Variants in UMAD1 observed in about 807,000 individuals in gnomAD.
UMAD1 encodes the protein UBAP1-MVB12-associated (UMA)-domain containing protein 1.
In UMAD1, 8 loss-of-function variants were observed where a neutral mutation model predicts 6.1. That is an observed-to-expected ratio of 1.30 (90% CI 0.76 to 2.35). The LOEUF (loss-of-function observed/expected upper bound fraction) is 2.35, where lower values mean the gene tolerates loss of function less well. Ranked by LOEUF, UMAD1 falls within the 30% of genes most tolerant of loss-of-function variation. UMAD1 has a pLI of 0.00. For missense variants in UMAD1, 130 were observed against 78.4 expected (o/e 1.66, Z -2.49); for synonymous variants, 56 against 31.4 (o/e 1.78, Z -2.61).
chr7:7,825,186 T>C (rs889547093), intron 3 of UMAD1, among the ~76,000 whole-genome samples: 5 of 152,112 alleles, frequency 3.3e-5, no homozygotes, highest in Non-Finnish European at 5.9e-5. Context: ...GGAAAACTTT[T>C]CTATTAATAT....
chr7:7,653,785 C>T (rs1785280663), intron 1 of UMAD1, among the ~76,000 whole-genome samples: 1 of 152,114 alleles, frequency 6.6e-6, no homozygotes, highest in African/African-American at 2.4e-5. Context: ...GGTTTTGTCC[C>T]CTAGGAGACA....
chr7:7,785,401 A>G (rs1229746877), intron 2 of UMAD1, among the ~76,000 whole-genome samples: 2 of 152,166 alleles, frequency 1.3e-5, no homozygotes, highest in Non-Finnish European at 2.9e-5. Flanking sequence ...TTGTTTTATG[A>G]TTGGAGTGTA....
chr7:7,665,048 C>T (rs1779403014), intron 1 of UMAD1, among the ~76,000 whole-genome samples: 1 of 151,992 alleles, frequency 6.6e-6, no homozygotes, highest in East Asian at 1.9e-4. Flanking sequence ...CATGTATTTA[C>T]ATTATTCTGT....
chr7:7,786,481 C>G lies in UMAD1; in HGVS notation c.83-15189C>G, dbSNP rs557203289. Among the ~76,000 whole-genome samples the G allele has an allele frequency of 1.1e-3, 164 of 152,228 alleles. 2 individuals carry two copies. In the Middle Eastern group the frequency reaches 0.02, roughly 19 times the overall value. On this transcript the variant is annotated intron_variant, in intron 2 of 3. Transcript: ENST00000682710. The stretch of plus-strand genomic sequence containing the variant: ...TGAAAATGTCAACCATCATCATTTA[C>G]TAATTTTGCTATGAGATGGGGAGGT...
intron 2 of UMAD1, among the ~76,000 whole-genome samples, chr7:7,701,018 C>A (rs1159312224): frequency 6.6e-6 from 1 of 152,184 alleles, no homozygotes; most frequent in African/African-American, 2.4e-5. Context: ...GTACTACACT[C>A]CAGCATGGGC....
intron 3 of UMAD1, among the ~76,000 whole-genome samples, chr7:7,838,156 T>C (rs1783606463): frequency 6.6e-6 from 1 of 150,640 alleles, no homozygotes; most frequent in Non-Finnish European, 1.5e-5. Context: ...AAACATTTTC[T>C]GAAAGAGAGG....
intron 3 of UMAD1, among the ~76,000 whole-genome samples, chr7:7,831,272 A>G (rs893945861): frequency 6.6e-6 from 1 of 152,218 alleles, no homozygotes; most frequent in Admixed American, 6.5e-5. Flanking sequence ...CTAAGTATCT[A>G]TATCTTACAG....
At chr7:7,785,249 A>C (rs1479318069) in intron 2 of UMAD1, among the ~76,000 whole-genome samples, 3 of 152,232 alleles carry the variant, frequency 2.0e-5, no homozygotes, top group African/African-American at 7.2e-5. Context: ...ACTTTTAAGA[A>C]GTCAATCATT....
intron 3 of UMAD1, among the ~76,000 whole-genome samples, chr7:7,820,253 G>A (rs1373769281): frequency 6.6e-6 from 1 of 151,652 alleles, no homozygotes; most frequent in Non-Finnish European, 1.5e-5. Flanking sequence ...AGTAATATGA[G>A]AATGTTTCAT....
At chr7:7,808,551 T>C (rs985661085) in intron 3 of UMAD1, among the ~76,000 whole-genome samples, 2 of 152,074 alleles carry the variant, frequency 1.3e-5, no homozygotes, top group Non-Finnish European at 2.9e-5. Context: ...TTAATATAAC[T>C]ATGTCTAATT....
Position 7,810,457 on chromosome 7 carries a change from T to C in UMAD1, c.156+8714T>C, listed in dbSNP as rs1783000514. ...ATTTTTCAGTTTTTATAAATGACAC[T>C]GATGATGAGTTTTCAATAAAATATA... On this transcript the variant is annotated intron_variant, in intron 3 of 3. Coordinates refer to ENST00000682710, the MANE Select transcript of UMAD1 (RefSeq NM_001302348.2). Among the ~76,000 whole-genome samples the C allele has an allele frequency of 2.6e-5, 4 of 152,158 alleles. No individual in the cohort carries two copies. The South Asian group carries it at 8.3e-4, about 31-fold the overall frequency.
chr7:7,705,449 T>C (rs1780574471), intron 2 of UMAD1, among the ~76,000 whole-genome samples: 1 of 152,242 alleles, frequency 6.6e-6, no homozygotes, highest in Non-Finnish European at 1.5e-5. Context: ...TGTAATTGGT[T>C]TGGGTCACTG....
At chr7:7,721,232 C>T (rs910316815) in intron 2 of UMAD1, among the ~76,000 whole-genome samples, 8 of 152,190 alleles carry the variant, frequency 5.3e-5, no homozygotes, top group African/African-American at 1.9e-4. Flanking sequence ...TGTTAAGCCA[C>T]CACGTTTGTA....
chr7:7,760,412 AAATAAT>A (rs71014709), intron 2 of UMAD1, among the ~76,000 whole-genome samples: 30,691 of 142,538 alleles, frequency 0.22, 3,351 homozygotes, highest in Admixed American at 0.24. Context: ...AAAAAATACA[AAATAAT>A]AATAATAATA....
chr7:7,815,977 T>C (rs12672077), intron 3 of UMAD1, among the ~76,000 whole-genome samples: 44,823 of 152,032 alleles, frequency 0.29, 6,694 homozygotes, highest in Admixed American at 0.33. Flanking sequence ...TGGATTCTAT[T>C]TAGGGCCACG....
chr7:7,718,291 C>G (rs1780968170), intron 2 of UMAD1, among the ~76,000 whole-genome samples: 1 of 152,086 alleles, frequency 6.6e-6, no homozygotes, highest in African/African-American at 2.4e-5. Context: ...AACCATAAAA[C>G]TATTTTGATA....
intron 3 of UMAD1, among the ~76,000 whole-genome samples, chr7:7,818,536 G>A (rs1267734973): frequency 6.6e-6 from 1 of 152,214 alleles, no homozygotes. Flanking sequence ...CAAGGTTAAG[G>A]AGAAAAGAGA....
intron 3 of UMAD1, among the ~76,000 whole-genome samples, chr7:7,839,526 C>T (rs554295111): frequency 4.3e-4 from 66 of 152,106 alleles, no homozygotes; most frequent in Middle Eastern, 3.4e-3. Flanking sequence ...TTGCTGTACA[C>T]GAGAGCAGAG....
At chr7:7,663,258 A>T (rs10227236) in intron 1 of UMAD1, among the ~76,000 whole-genome samples, 96,762 of 151,256 alleles carry the variant, frequency 0.64, 31,385 homozygotes, top group East Asian at 0.86. Context: ...GTTTGAAGCA[A>T]ACACCTAAAT....
Sources: gnomAD v4.1 joint callset for allele counts (sites outside exome capture counted in the v4.1 genomes callset) on GRCh38, gnomAD v4.1.1 for gene constraint, MANE v1.5 for transcripts, NCBI Gene and HGNC (gene_info 2026-07-23, HGNC 2026-07-21) for gene names.